PTH2R: variants seen among roughly 807,000 people sequenced by gnomAD.
PTH2R encodes parathyroid hormone 2 receptor, also known as PTH2 receptor.
Under a neutral mutation model 60.3 loss-of-function variants are expected in PTH2R, and 59 were observed. That is an observed-to-expected ratio of 0.98 (90% CI 0.79 to 1.22). The LOEUF (loss-of-function observed/expected upper bound fraction) is 1.22. Ranked by LOEUF, PTH2R falls within the 50% of genes most tolerant of loss-of-function variation. The pLI is 0.00. For synonymous variants in PTH2R, 256 were observed against 243.8 expected (o/e 1.05, Z -0.47); for missense variants, 749 against 682.6 (o/e 1.10, Z -1.08).
intron 1 of PTH2R, among the ~76,000 whole-genome samples, chr2:208,369,366 C>CTT (rs34110985): frequency 0.017 from 2,344 of 135,010 alleles, 124 homozygotes; most frequent in African/African-American, 0.061. Context: ...ACTGGTCTCT[C>CTT]TCTCTTTTTT....
chr2:208,436,890 T>C (rs1702086299), intron 2 of PTH2R, among the ~76,000 whole-genome samples: 1 of 152,184 alleles, frequency 6.6e-6, no homozygotes, highest in Non-Finnish European at 1.5e-5. Context: ...AGAACTGTCC[T>C]GCAGAAAGAA....
At chr2:208,476,555 G>A (rs907447785) in intron 9 of PTH2R, among the ~76,000 whole-genome samples, 2 of 152,118 alleles carry the variant, frequency 1.3e-5, no homozygotes, top group African/African-American at 2.4e-5. Context: ...AGAGATCAGG[G>A]AGTTTATTAC....
At chr2:208,360,284 C>T in intron 1 of PTH2R, 1 of 401,300 alleles carries the variant, frequency 2.5e-6, no homozygotes, top group Non-Finnish European at 5.0e-6. Flanking sequence ...CGTGAGCAGC[C>T]CCTACGGGGT....
chr2:208,431,293 T>C (rs879792366), intron 2 of PTH2R, among the ~76,000 whole-genome samples: 1 of 152,206 alleles, frequency 6.6e-6, no homozygotes, highest in Non-Finnish European at 1.5e-5. Context: ...TCCTTCAATA[T>C]TCTTTCAAAT....
At chr2:208,384,135 A>G (rs1276533669) in intron 1 of PTH2R, among the ~76,000 whole-genome samples, 1 of 152,256 alleles carries the variant, frequency 6.6e-6, no homozygotes, top group Non-Finnish European at 1.5e-5. Context: ...TGTGTGGCAC[A>G]GAAAACAAGT....
Position 208,442,423 on chromosome 2 carries a change from T to G in PTH2R, c.471T>G (p.Gly157=). The part of the protein sequence containing the change: ...MYTVGYSISF[G]SLAVAILIIG... ...CCGTTGGCTACTCCATCTCTTTTGG[T>G]TCCTTGGCTGTGGCTATTCTCATCA... The change falls in exon 5 of 13, where the codon GGT becomes GGG. Residue 157 remains glycine (G), a synonymous_variant. Transcript: ENST00000272847. 1.2e-6 allele frequency: 2 copies of G among 1,613,372 alleles called. No individual in the cohort carries two copies. The highest frequency in any genetic ancestry group is 1.7e-6 in the Non-Finnish European group (2 of 1,179,308).
At chr2:208,361,262 C>A in intron 1 of PTH2R, 1 of 154,128 alleles carries the variant, frequency 6.5e-6, no homozygotes, top group South Asian at 1.8e-4. Flanking sequence ...CACCTTGGCC[C>A]ACTTGGCCCC....
chr2:208,417,541 C>CTTTTTTT (rs56354728), intron 1 of PTH2R, among the ~76,000 whole-genome samples: 2 of 87,882 alleles, frequency 2.3e-5, no homozygotes. Flanking sequence ...AGGTGGGAAT[C>CTTTTTTT]TTTTTTTTTT....
intron 1 of PTH2R, among the ~76,000 whole-genome samples, chr2:208,395,061 T>A (rs1246563744): frequency 1.3e-5 from 2 of 151,960 alleles, no homozygotes; most frequent in Non-Finnish European, 1.5e-5. Flanking sequence ...TTTATTTTTT[T>A]TTTTGAGATG....
chr2:208,407,627 A>G (rs749587528), intron 1 of PTH2R, among the ~76,000 whole-genome samples: 9 of 152,228 alleles, frequency 5.9e-5, no homozygotes, highest in Non-Finnish European at 1.2e-4. Flanking sequence ...ATACCAAAAT[A>G]CAGCTCATTT....
intron 1 of PTH2R, among the ~76,000 whole-genome samples, chr2:208,379,459 C>T (rs1272226581): frequency 6.6e-6 from 1 of 152,166 alleles, no homozygotes; most frequent in African/African-American, 2.4e-5. Flanking sequence ...AAAAATGGAA[C>T]TGTCTTTTGC....
intron 1 of PTH2R, among the ~76,000 whole-genome samples, chr2:208,376,002 T>C (rs1700785279): frequency 6.6e-6 from 1 of 152,134 alleles, no homozygotes; most frequent in Admixed American, 6.5e-5. Flanking sequence ...GGTTTCAGAC[T>C]TTCCTTTCTT....
rs150091598 is a variant in PTH2R at position 208,489,218 on chromosome 2, A to C, written c.1215+68A>C. 2.9e-4 allele frequency: 463 copies of C among 1,590,590 alleles called. 3 individuals carry two copies. In the African/African-American group the frequency reaches 5.9e-3, roughly 20 times the overall value. On this transcript the variant is annotated intron_variant, in intron 11 of 12. Coordinates refer to ENST00000272847, the MANE Select transcript of PTH2R (RefSeq NM_005048.4). ...TTTTTTTTCCTTTTGGTCACTTACA[A>C]CCTTTTTCTCTGCACTCTCTCTGGC...
chr2:208,488,650 G>C (rs1703327033), intron 10 of PTH2R, among the ~76,000 whole-genome samples: 1 of 152,064 alleles, frequency 6.6e-6, no homozygotes, highest in Non-Finnish European at 1.5e-5. Flanking sequence ...GAAGCAGTGG[G>C]ATCCAAAGAG....
intron 1 of PTH2R, among the ~76,000 whole-genome samples, chr2:208,364,463 A>G (rs1700540448): frequency 6.6e-6 from 1 of 152,040 alleles, no homozygotes; most frequent in East Asian, 1.9e-4. Context: ...CAGTTTTCCC[A>G]GCATCATTTG....
intron 1 of PTH2R, among the ~76,000 whole-genome samples, chr2:208,377,121 T>C (rs1700807778): frequency 6.6e-6 from 1 of 152,034 alleles, no homozygotes; most frequent in Non-Finnish European, 1.5e-5. Flanking sequence ...AAGCACATCT[T>C]GCATGGCCCT....
chr2:208,438,284 G>A (rs772027401), intron 4 of PTH2R, among the ~76,000 whole-genome samples: 1 of 152,096 alleles, frequency 6.6e-6, no homozygotes, highest in Non-Finnish European at 1.5e-5. Flanking sequence ...CATTTTAGAG[G>A]TGTATTTTCC....
chr2:208,470,095 G>A (rs1279689018), intron 9 of PTH2R: 1 of 152,280 alleles, frequency 6.6e-6, no homozygotes, highest in Non-Finnish European at 1.5e-5. Flanking sequence ...TACAGATTGG[G>A]AAATTGAGCA....
At chr2:208,428,596 A>G (rs1701905848) in intron 2 of PTH2R, among the ~76,000 whole-genome samples, 1 of 152,250 alleles carries the variant, frequency 6.6e-6, no homozygotes, top group South Asian at 2.1e-4. Flanking sequence ...TGTAGAGAGC[A>G]TGCATACTGA....
Sources: allele counts gnomAD v4.1 joint callset (sites outside exome capture counted in the v4.1 genomes callset), GRCh38; gene constraint gnomAD v4.1.1; transcripts MANE v1.5; gene names NCBI Gene and HGNC (gene_info 2026-07-23, HGNC 2026-07-21).